TMEM196: variants seen among roughly 807,000 people sequenced by gnomAD.
TMEM196 encodes transmembrane protein 196.
TMEM196 carries 17 observed loss-of-function variants against 20.0 expected under a neutral mutation model. That is an observed-to-expected ratio of 0.85 (90% CI 0.58 to 1.27). TMEM196 has a LOEUF of 1.27. Among genes scored for constraint, TMEM196 ranks in the 50% most tolerant of loss-of-function variants. The pLI is 0.00. For synonymous variants in TMEM196, 113 were observed against 88.9 expected, an observed-to-expected ratio of 1.27 and a Z score of -1.52; for missense variants, 267 against 223.0, an observed-to-expected ratio of 1.20 and a Z score of -1.26.
chr7:19,736,891 A>G (rs933309103), intron 1 of TMEM196, among the ~76,000 whole-genome samples: 3 of 152,002 alleles, frequency 2.0e-5, no homozygotes, highest in African/African-American at 7.2e-5. Context: ...TTGCTAATAC[A>G]TATTTTTTCC....
At chr7:19,766,578 T>A (rs138510692) in intron 1 of TMEM196, among the ~76,000 whole-genome samples, 3 of 151,386 alleles carry the variant, frequency 2.0e-5, no homozygotes, top group African/African-American at 7.3e-5. Context: ...TAGGATCATA[T>A]ACACATATAT....
chr7:19,725,827 G>C (rs774923357), intron 2 of TMEM196, 59 bp from the exon 3 acceptor site: 153 of 1,515,104 alleles, frequency 1.0e-4, no homozygotes, highest in Non-Finnish European at 1.3e-4. Flanking sequence ...CCAGAACACA[G>C]TTGCCCTGTC....
chr7:19,722,463 A>G (rs1783846057), intron 4 of TMEM196, among the ~76,000 whole-genome samples: 1 of 152,108 alleles, frequency 6.6e-6, no homozygotes, highest in African/African-American at 2.4e-5. Context: ...TTAAATGCGC[A>G]AGTTTTTCTA....
At chr7:19,735,685 A>G (rs1784374370) in intron 1 of TMEM196, among the ~76,000 whole-genome samples, 1 of 152,134 alleles carries the variant, frequency 6.6e-6, no homozygotes, top group Admixed American at 6.6e-5. Context: ...CGGCAGGGAG[A>G]GCAGGCAAGG....
intron 1 of TMEM196, among the ~76,000 whole-genome samples, chr7:19,764,250 G>T (rs987098505): frequency 6.6e-6 from 1 of 152,204 alleles, no homozygotes; most frequent in Admixed American, 6.5e-5. Flanking sequence ...AAATTGAGCA[G>T]CATTGCCTGG....
chr7:19,769,479 C>T (rs1046702089), intron 1 of TMEM196, among the ~76,000 whole-genome samples: 1 of 152,082 alleles, frequency 6.6e-6, no homozygotes, highest in Non-Finnish European at 1.5e-5. Context: ...TCCTGGGCCA[C>T]AACCCAACCT....
At position 19,772,587 on chromosome 7, in the gene TMEM196, A is replaced by C; in HGVS notation, c.110T>G (p.Leu37Arg). ...AVGAVSFSLA[L>R]REHKPQLGDS... Reference sequence around the variant, plus strand: ...TCCGAGCTGCGGCTTGTGCTCTCGGAGGGCCAGGCTGAAGCTGACCGCCCC... The same window carrying C: ...TCCGAGCTGCGGCTTGTGCTCTCGGCGGGCCAGGCTGAAGCTGACCGCCCC... The change falls in exon 1 of 5, where the codon CTC becomes CGC. Residue 37 changes from leucine (L) to arginine (R), a missense_variant. Transcript: ENST00000405844. 2 of 1,546,108 alleles carry C rather than the reference A, an allele frequency of 1.3e-6. No individual in the cohort carries two copies. Among genetic ancestry groups the C allele is most frequent in the Non-Finnish European group, 1.7e-6 (2 of 1,145,404 alleles).
intron 1 of TMEM196, among the ~76,000 whole-genome samples, chr7:19,752,244 C>T (rs1785016754): frequency 6.6e-6 from 1 of 152,176 alleles, no homozygotes; most frequent in African/African-American, 2.4e-5. Context: ...TCTAGACTTA[C>T]ATTGTCAGCT....
chr7:19,757,979 T>A (rs1785284172), intron 1 of TMEM196, among the ~76,000 whole-genome samples: 1 of 149,716 alleles, frequency 6.7e-6, no homozygotes, highest in South Asian at 2.1e-4. Context: ...TTTTTTTTTT[T>A]ACTAAGAACC....
chr7:19,770,876 C>A (rs60165049), intron 1 of TMEM196, among the ~76,000 whole-genome samples: 2 of 151,708 alleles, frequency 1.3e-5, no homozygotes, highest in Admixed American at 6.6e-5. Flanking sequence ...TTTTTTAATT[C>A]TCAAAGATAA....
chr7:19,747,282 A>AAAAT (rs1784792480), intron 1 of TMEM196, among the ~76,000 whole-genome samples: 1 of 147,856 alleles, frequency 6.8e-6, no homozygotes, highest in South Asian at 2.1e-4. Context: ...AAATAAAATA[A>AAAAT]AAATAAAAAA....
At chr7:19,765,816 G>A (rs1210018039) in intron 1 of TMEM196, among the ~76,000 whole-genome samples, 1 of 152,100 alleles carries the variant, frequency 6.6e-6, no homozygotes, top group Admixed American at 6.6e-5. Flanking sequence ...AGTTGCTAAT[G>A]TAAATATCCT....
chr7:19,746,691 T>C (rs939288692), intron 1 of TMEM196, among the ~76,000 whole-genome samples: 1 of 152,230 alleles, frequency 6.6e-6, no homozygotes, highest in African/African-American at 2.4e-5. Flanking sequence ...TTAAAGATCA[T>C]AGCAGATAAC....
intron 1 of TMEM196, among the ~76,000 whole-genome samples, chr7:19,756,389 T>C (rs1311225280): frequency 6.6e-6 from 1 of 152,076 alleles, no homozygotes; most frequent in African/African-American, 2.4e-5. Context: ...AAGTTACGTG[T>C]GTAGGAGTAC....
chr7:19,755,519 C>G (rs1292566545), intron 1 of TMEM196, among the ~76,000 whole-genome samples: 1 of 152,112 alleles, frequency 6.6e-6, no homozygotes, highest in African/African-American at 2.4e-5. Context: ...AACAGAGAGA[C>G]TTTGATTTTA....
intron 1 of TMEM196, 43 bp downstream of exon 1, chr7:19,772,505 AAG>A: frequency 5.3e-6 from 8 of 1,496,732 alleles, no homozygotes; most frequent in Non-Finnish European, 7.2e-6. Context: ...TAAAGAGGTA[AAG>A]AGAGAGTGAA....
chr7:19,732,956 G>C (rs926996089), intron 1 of TMEM196, among the ~76,000 whole-genome samples: 1 of 152,202 alleles, frequency 6.6e-6, no homozygotes, highest in Non-Finnish European at 1.5e-5. Context: ...GCTGATAGCT[G>C]TATGTATGTG....
chr7:19,758,903 T>C (rs549382618), intron 1 of TMEM196, among the ~76,000 whole-genome samples: 1 of 152,274 alleles, frequency 6.6e-6, no homozygotes, highest in African/African-American at 2.4e-5. Flanking sequence ...CTCTCTTTTT[T>C]TACAGTAGAC....
chr7:19,729,531 G>T, intron 1 of TMEM196, 93 bp from the exon 2 acceptor site: 1 of 1,140,418 alleles, frequency 8.8e-7, no homozygotes, highest in East Asian at 2.6e-5. Flanking sequence ...CTTTCTCCAG[G>T]GAAGATAGAA....
Sources: allele counts gnomAD v4.1 joint callset (sites outside exome capture counted in the v4.1 genomes callset), GRCh38; gene constraint gnomAD v4.1.1; transcripts MANE v1.5; gene names NCBI Gene and HGNC (gene_info 2026-07-23, HGNC 2026-07-21).